MACO1: variants seen among roughly 807,000 people sequenced by gnomAD.
MACO1 encodes macoilin.
Under a neutral mutation model 78.7 loss-of-function variants are expected in MACO1, and 14 were observed. The ratio of observed to expected loss-of-function variants is 0.18; its 90% confidence interval spans 0.12 to 0.28. The LOEUF is 0.28. Ranked by LOEUF, MACO1 falls within the 10% of genes least tolerant of loss-of-function variation. The pLI, the probability that MACO1 is intolerant of heterozygous loss-of-function variation, is 1.00. For synonymous variants in MACO1, 288 were observed against 291.6 expected (o/e 0.99, Z 0.12); for missense variants, 501 against 799.0 (o/e 0.63, Z 4.50).
At position 25,495,738 on chromosome 1, in the gene MACO1, C is replaced by T. The variant is rs571385261; in HGVS notation, c.1793-2526C>T. Among the ~76,000 whole-genome samples the T allele has an allele frequency of 1.6e-3, 237 of 152,162 alleles. 1 individual carries two copies. The highest frequency in any genetic ancestry group is 4.5e-3 in the African/African-American group (186 of 41,502). On this transcript the variant is annotated intron_variant, in intron 10 of 10. Transcript: ENST00000374343. ...CAGCACTTTGGGAGGCCAAGGTGGG[C>T]GGATCACAAGGTCAAGAGATCGAGA...
chr1:25,454,416 G>GTGTA, intron 4 of MACO1, 34 bp downstream of exon 4: 2 of 1,351,104 alleles, frequency 1.5e-6, no homozygotes, highest in Non-Finnish European at 2.0e-6. Flanking sequence ...GTGTGTGTGT[G>GTGTA]TATATGTGTG....
chr1:25,466,402 C>G (rs1042453545), intron 6 of MACO1, among the ~76,000 whole-genome samples: 1 of 152,202 alleles, frequency 6.6e-6, no homozygotes, highest in African/African-American at 2.4e-5. Context: ...CAACCTCCAC[C>G]TCCTGGGTTC....
chr1:25,455,782 T>C (rs970880221), intron 4 of MACO1, among the ~76,000 whole-genome samples: 1 of 152,192 alleles, frequency 6.6e-6, no homozygotes, highest in African/African-American at 2.4e-5. Flanking sequence ...GACAGAGTGT[T>C]TGTGAACCAA....
At position 25,430,978 on chromosome 1, in the gene MACO1, A is replaced by G. The variant is rs1049906542; in HGVS notation, c.-121A>G. The G allele has an allele frequency of 4.9e-5, 16 of 324,724 alleles. No individual in the cohort carries two copies. The highest frequency in any genetic ancestry group is 8.0e-5 in the Non-Finnish European group (15 of 188,614). 20.1% of individuals were successfully genotyped at this position (324,724 alleles called of 1,614,324 possible). ...CCCCCTCCCCCCGGGTGCTGGCTCC[A>G]TGTCTGTGTGACCGGCCTCAGGGGT... On this transcript the variant is annotated 5_prime_UTR_variant, in exon 1 of 11. The change abolishes an upstream ATG in the 5' untranslated region. Transcript: ENST00000374343.
At position 25,493,727 on chromosome 1, in the gene MACO1, C is replaced by CTTT. The variant is rs1189775109; in HGVS notation, c.1792+2164_1792+2166dup. ...TGACTTAACAGAAGATAGTTTGATT[C>CTTT]TTTTTTTTTTTTTTTTTTTTTTTGA... On this transcript the variant is annotated intron_variant, in intron 10 of 10. Transcript: ENST00000374343. Among the ~76,000 whole-genome samples, 380 of 92,024 alleles carry CTTT rather than the reference C, an allele frequency of 4.1e-3. 6 individuals carry two copies. The highest frequency in any genetic ancestry group is 6.6e-3 in the African/African-American group (144 of 21,744). 60.4% of individuals were successfully genotyped at this position (92,024 alleles called of 152,430 possible).
intron 9 of MACO1, among the ~76,000 whole-genome samples, 160 bp downstream of exon 9, chr1:25,489,453 T>C (rs1341602669): frequency 6.6e-6 from 1 of 152,252 alleles, no homozygotes; most frequent in Non-Finnish European, 1.5e-5. Context: ...GTTCTAATCT[T>C]GTCCAGCTCA....
intron 10 of MACO1, among the ~76,000 whole-genome samples, chr1:25,493,376 G>C (rs1377114883): frequency 6.6e-6 from 1 of 151,772 alleles, no homozygotes; most frequent in East Asian, 1.9e-4. Flanking sequence ...TAGTAGCTAT[G>C]ACTATAGGCA....
At chr1:25,492,814 C>T (rs1276211547) in intron 10 of MACO1, among the ~76,000 whole-genome samples, 2 of 152,010 alleles carry the variant, frequency 1.3e-5, no homozygotes, top group African/African-American at 4.8e-5. Flanking sequence ...CTATAGAGTA[C>T]TAAATAGAGT....
chr1:25,491,642 A>G, intron 10 of MACO1, 58 bp downstream of exon 10: 1 of 1,486,600 alleles, frequency 6.7e-7, no homozygotes, highest in Non-Finnish European at 9.3e-7. Flanking sequence ...AGGGATGCAC[A>G]GGCCAGACCT....
At chr1:25,434,280 G>A (rs1377475151) in intron 1 of MACO1, among the ~76,000 whole-genome samples, 1 of 152,202 alleles carries the variant, frequency 6.6e-6, no homozygotes, top group Non-Finnish European at 1.5e-5. Context: ...AGGGGCTAAA[G>A]TTCGATGTAG....
At chr1:25,453,763 C>A (rs2043090033) in intron 3 of MACO1, among the ~76,000 whole-genome samples, 1 of 151,860 alleles carries the variant, frequency 6.6e-6, no homozygotes. Flanking sequence ...AATGGTTGTC[C>A]CAATTTATAT....
At chr1:25,454,647 A>G (rs991224944) in intron 4 of MACO1, among the ~76,000 whole-genome samples, 1 of 151,098 alleles carries the variant, frequency 6.6e-6, no homozygotes, top group Admixed American at 6.6e-5. Context: ...ACACCTGGCT[A>G]ATTTTTGTAT....
At chr1:25,468,454 C>T (rs751748323) in intron 6 of MACO1, among the ~76,000 whole-genome samples, 3 of 152,092 alleles carry the variant, frequency 2.0e-5, no homozygotes, top group African/African-American at 4.8e-5. Context: ...ATTCTTGCTT[C>T]GAAGGCCTAG....
chr1:25,474,858 G>A (rs993775000), intron 6 of MACO1, among the ~76,000 whole-genome samples: 1 of 152,220 alleles, frequency 6.6e-6, no homozygotes, highest in African/African-American at 2.4e-5. Context: ...TTCTTGTAGC[G>A]TGTGGTACAG....
At chr1:25,442,850 T>C (rs2042984500) in intron 1 of MACO1, among the ~76,000 whole-genome samples, 1 of 152,230 alleles carries the variant, frequency 6.6e-6, no homozygotes, top group African/African-American at 2.4e-5. Flanking sequence ...TTGCCCTTGT[T>C]TCAATATATT....
At chr1:25,435,080 C>T (rs150766331) in intron 1 of MACO1, among the ~76,000 whole-genome samples, 2,057 of 152,204 alleles carry the variant, frequency 0.014, 33 homozygotes, top group South Asian at 0.03. Flanking sequence ...TATTCCAAAT[C>T]GCTACAGTTA....
intron 4 of MACO1, among the ~76,000 whole-genome samples, chr1:25,454,895 G>T (rs1303327590): frequency 1.3e-5 from 2 of 152,084 alleles, no homozygotes; most frequent in African/African-American, 4.8e-5. Context: ...AGCATGGTTG[G>T]AAAGACCATG....
chr1:25,447,786 A>G (rs926243871), intron 2 of MACO1, among the ~76,000 whole-genome samples: 6 of 152,174 alleles, frequency 3.9e-5, no homozygotes, highest in Admixed American at 6.5e-5. Context: ...GAAATCCCCA[A>G]ACCACATTTA....
intron 6 of MACO1, among the ~76,000 whole-genome samples, chr1:25,466,335 C>T (rs1014649574): frequency 4.0e-5 from 6 of 151,878 alleles, no homozygotes; most frequent in South Asian, 2.1e-4. Flanking sequence ...ATTTTTGAGA[C>T]GGAGTTTCAC....
Sources: allele counts gnomAD v4.1 joint callset (sites outside exome capture counted in the v4.1 genomes callset), GRCh38; gene constraint gnomAD v4.1.1; transcripts MANE v1.5; gene names NCBI Gene and HGNC (gene_info 2026-07-23, HGNC 2026-07-21).